Variants in INPP5J observed in about 807,000 individuals in gnomAD.
INPP5J encodes the protein phosphatidylinositol 4,5-bisphosphate 5-phosphatase A.
In INPP5J, 75 loss-of-function variants were observed where a neutral mutation model predicts 86.6. That is an observed-to-expected ratio of 0.87 (90% CI 0.72 to 1.05). INPP5J has a LOEUF of 1.05. Among genes scored for constraint, INPP5J ranks in the 50% least tolerant of loss-of-function variants. The pLI, the probability that INPP5J is intolerant of heterozygous loss-of-function variation, is 0.00. For missense variants in INPP5J, 1,229 were observed against 1,341.2 expected (o/e 0.92, Z 1.31); for synonymous variants, 540 against 550.0 (o/e 0.98, Z 0.25).
intron 2 of INPP5J, 121 bp downstream of exon 2, chr22:31,126,131 G>T: frequency 9.4e-7 from 1 of 1,058,972 alleles, no homozygotes; most frequent in Non-Finnish European, 1.3e-6. Context: ...TTTGGGGAGG[G>T]GGTTGCTGGG....
intron 6 of INPP5J, 161 bp downstream of exon 6, chr22:31,127,693 G>A: frequency 1.2e-6 from 1 of 809,324 alleles, no homozygotes; most frequent in Non-Finnish European, 1.9e-6. Context: ...GTTGGATGGG[G>A]AGGGGCGGAG....
chr22:31,128,784 G>A (rs1247060435), intron 9 of INPP5J, 130 bp downstream of exon 9: 10 of 817,144 alleles, frequency 1.2e-5, no homozygotes, highest in Non-Finnish European at 1.9e-5. Context: ...TGTAACAGTG[G>A]AAATGGGGTT....
Position 31,128,267 on chromosome 22 carries a change from C to G in INPP5J, c.1953C>G (p.Pro651=). Residue 651 remains proline (P), a synonymous_variant, in exon 8 of 13, where the codon CCC becomes CCG. Coordinates refer to ENST00000331075, the MANE Select transcript of INPP5J (RefSeq NM_001284285.2). The stretch of plus-strand genomic sequence containing the variant: ...TTCTGAAGGGCTTTCAGGAGGGGCC[C>G]CTCAACTTCGCTCCCACCTTCAAGT... ...WPILKGFQEG[P]LNFAPTFKFD... 6.2e-7 allele frequency: 1 copy of G among 1,601,720 alleles called. No homozygotes were observed. The highest frequency in any genetic ancestry group is 8.5e-7 in the Non-Finnish European group (1 of 1,174,104).
rs748199324 is a variant in INPP5J, at chr22:31,123,007, C to CT, written c.-7dup. The stretch of plus-strand genomic sequence containing the variant: ...CCAAGGGAGTCCAGGCTGCCGGGGG[C>CT]TGCAGACATGGAGGGCCAGAGCAGC... On this transcript the variant is annotated 5_prime_UTR_variant, in exon 1 of 13. Coordinates refer to ENST00000331075, the MANE Select transcript of INPP5J (RefSeq NM_001284285.2). The CT allele has an allele frequency of 4.4e-5, 63 of 1,437,768 alleles. No homozygotes were observed. The African/African-American group carries it at 6.0e-4, about 14-fold the overall frequency. The allele number at this position is 1,437,768 out of a possible 1,614,324, so 89.1% of individuals were successfully genotyped here. A position where few individuals can be genotyped will look rare whatever the true frequency, so the allele number is the denominator to read the frequency against.
Position 31,134,319 on chromosome 22 carries a change from G to A in INPP5J, c.2921G>A (p.Gly974Asp). 1 of 1,553,140 alleles carries A rather than the reference G, an allele frequency of 6.4e-7. No individual in the cohort carries two copies. Among genetic ancestry groups the A allele is most frequent in the Non-Finnish European group, 8.7e-7 (1 of 1,149,732 alleles). Residue 974 changes from glycine to aspartate, a missense_variant, in exon 13 of 13, where the codon GGT (glycine) becomes GAT (aspartate). By Grantham distance (94) the Gly-to-Asp change is moderately conservative (BLOSUM62 -1). Transcript: ENST00000331075. ...CTAGAGACTGTAGACCCTGGTGGTG[G>A]TGGCTCCTGGGGACCTGATCGGGAG... ...LRLETVDPGG[G>D]GSWGPDREAL... is the part of the protein sequence containing the mutation.
chr22:31,122,977 C>G lies in INPP5J; in HGVS notation c.-38C>G. ...TTCCCGGGAGCGGTAGAGCTGGAGCCGGAGCCAAGGGAGTCCAGGCTGCCG... is the reference window on the plus strand; with the variant it reads ...TTCCCGGGAGCGGTAGAGCTGGAGCGGGAGCCAAGGGAGTCCAGGCTGCCG... On this transcript the variant is annotated 5_prime_UTR_variant, in exon 1 of 13. Transcript: ENST00000331075. 5.3e-6 allele frequency: 7 copies of G among 1,324,986 alleles called. No individual in the cohort carries two copies. Among genetic ancestry groups the G allele is most frequent in the South Asian group, 1.7e-5 (1 of 59,144 alleles). The allele number at this position is 1,324,986 out of a possible 1,614,324, so 82.1% of individuals were successfully genotyped here.
At chr22:31,124,628 GT>G (rs1168465990) in intron 1 of INPP5J, among the ~76,000 whole-genome samples, 5 of 152,188 alleles carry the variant, frequency 3.3e-5, no homozygotes. Context: ...TGTGAAAGAG[GT>G]TTCAGACTTA....
chr22:31,126,189 C>A, intron 2 of INPP5J, 179 bp downstream of exon 2: 1 of 797,812 alleles, frequency 1.3e-6, no homozygotes, highest in Non-Finnish European at 1.9e-6. Context: ...AAGGAACTTG[C>A]CGCCTCTCAG....
At position 31,125,495 on chromosome 22, in the gene INPP5J, T is replaced by A. The variant is rs1346493836; in HGVS notation, c.756T>A (p.His252Gln). ...APRPLPASEG[H>Q]LQPPAQTSGP... Reference sequence around the variant, plus strand: ...GACCTCTCCCTGCTTCTGAGGGGCATCTCCAGCCTCCAGCTCAGACATCTG... The same window carrying A: ...GACCTCTCCCTGCTTCTGAGGGGCAACTCCAGCCTCCAGCTCAGACATCTG... Residue 252 changes from histidine (H) to glutamine (Q), a missense_variant, in exon 2 of 13, where the codon CAT (histidine) becomes CAA (glutamine). Coordinates refer to ENST00000331075, the MANE Select transcript of INPP5J (RefSeq NM_001284285.2). 9 of 1,549,832 alleles carry A rather than the reference T, an allele frequency of 5.8e-6. No homozygotes were observed. In the East Asian group the frequency reaches 2.2e-4, roughly 38 times the overall value.
At chr22:31,129,632 C>G (rs1036155029) in intron 9 of INPP5J, among the ~76,000 whole-genome samples, 2 of 150,558 alleles carry the variant, frequency 1.3e-5, no homozygotes, top group Non-Finnish European at 3.0e-5. Flanking sequence ...CAACCTCTAC[C>G]TCCTGGGTTC....
At position 31,134,373 on chromosome 22, in the gene INPP5J, G is replaced by T. The variant is rs977702635; in HGVS notation, c.2975G>T (p.Ser992Ile). 1 of 1,516,664 alleles carries T rather than the reference G, an allele frequency of 6.6e-7. No homozygotes were observed. The highest frequency in any genetic ancestry group is 8.8e-7 in the Non-Finnish European group (1 of 1,131,308). 94.0% of individuals were successfully genotyped at this position (1,516,664 alleles called of 1,614,324 possible). A position where few individuals can be genotyped will look rare whatever the true frequency, so the allele number is the denominator to read the frequency against. Residue 992 changes from serine to isoleucine, a missense_variant, in exon 13 of 13, where the codon AGT (serine) becomes ATT (isoleucine). Ser to Ile is a moderately radical substitution (Grantham distance 142). Coordinates refer to ENST00000331075, the MANE Select transcript of INPP5J (RefSeq NM_001284285.2). ...CTGGCGCCCAACAGCCTGTCTCCTAGTCCCCAGGGCCATCGGGGGCTGGAG... is the reference window on the plus strand; with the variant it reads ...CTGGCGCCCAACAGCCTGTCTCCTATTCCCCAGGGCCATCGGGGGCTGGAG... ...EALAPNSLSP[S>I]PQGHRGLEEG...
intron 6 of INPP5J, chr22:31,127,738 T>G: frequency 1.5e-6 from 1 of 660,112 alleles, no homozygotes; most frequent in Non-Finnish European, 2.6e-6. Flanking sequence ...GGGCCCCGCC[T>G]TGCTGAAGGT....
chr22:31,134,022 G>GC lies in INPP5J; in HGVS notation c.2628dup (p.Ser877GlnfsTer29). On this transcript the variant is annotated frameshift_variant, in exon 13 of 13. Transcript: ENST00000331075. LOFTEE classifies it high-confidence loss of function. ...GAGCTCCTTGCACCCAAGTCCCGCA[G>GC]CCCCAGTCCTGGCAAGTCCAAGCGA... 1 of 1,608,396 alleles carries GC rather than the reference G, an allele frequency of 6.2e-7. No homozygotes were observed. Among genetic ancestry groups the GC allele is most frequent in the Non-Finnish European group, 8.5e-7 (1 of 1,178,102 alleles).
rs1324287921 is a variant in INPP5J at position 31,128,624 on chromosome 22, C to T, written c.2163C>T (p.His721=). 6.2e-7 allele frequency: 1 copy of T among 1,601,018 alleles called. No homozygotes were observed. Among genetic ancestry groups the T allele is most frequent in the Non-Finnish European group, 8.5e-7 (1 of 1,173,580 alleles). Residue 721 remains histidine (H), a synonymous_variant, in exon 9 of 13, where the codon CAC becomes CAT. Transcript: ENST00000331075. ...ACATGGAATACACAGTCAGCGACCA[C>T]AAGCCTGTGGCTGCCCAGTTCCTCC... ...RSHMEYTVSD[H]KPVAAQFLLQ...
Position 31,125,961 on chromosome 22 carries a change from T to A in INPP5J, c.1222T>A (p.Ser408Thr), listed in dbSNP as rs750230362. The A allele has an allele frequency of 1.2e-6, 2 of 1,606,776 alleles. No individual in the cohort carries two copies. Among genetic ancestry groups the A allele is most frequent in the Non-Finnish European group, 1.7e-6 (2 of 1,174,858 alleles). The change falls in exon 2 of 13, where the codon TCC becomes ACC. Residue 408 changes from serine (S) to threonine (T), a missense_variant. By Grantham distance (58) the Ser-to-Thr change is moderately conservative. Transcript: ENST00000331075. ...TTSSSTSTLS[S>T]SPWSAQPTWK... ...CTCCTCTTCTACATCCACCCTGTCA[T>A]CCTCCCCTTGGTCAGCTCAGCCTAC...
chr22:31,127,652 A>G (rs1246953308), intron 6 of INPP5J, 120 bp downstream of exon 6: 1 of 1,016,178 alleles, frequency 9.8e-7, no homozygotes, highest in Non-Finnish European at 1.4e-6. Context: ...GCCCACCCAA[A>G]CTAGTTGTAG....
chr22:31,126,334 G>T, intron 2 of INPP5J, 42 bp from the exon 3 acceptor site: 1 of 1,462,014 alleles, frequency 6.8e-7, no homozygotes, highest in African/African-American at 1.4e-5. Flanking sequence ...GAGGGTGAGG[G>T]AGTGGTGCCA....
chr22:31,130,583 G>GATAT, intron 9 of INPP5J, among the ~76,000 whole-genome samples: 1 of 151,260 alleles, frequency 6.6e-6, no homozygotes, highest in East Asian at 1.9e-4. Context: ...ACAAAGAAAA[G>GATAT]ATATAAAAAT....
Position 31,125,711 on chromosome 22 carries a change from C to T in INPP5J, c.972C>T (p.Ser324=), listed in dbSNP as rs1454570633. Residue 324 remains serine, a synonymous_variant, in exon 2 of 13, where the codon TCC becomes TCT. Transcript: ENST00000331075. ...GCACTCACTCCCCTGGACTTCTGTC[C>T]CCCACCTTCCGGCCTGGGGCCCCCT... is the stretch of plus-strand genomic sequence containing the variant. ...EPGTHSPGLL[S]PTFRPGAPSG... 2 of 1,551,078 alleles carry T rather than the reference C, an allele frequency of 1.3e-6. No individual in the cohort carries two copies. Among genetic ancestry groups the T allele is most frequent in the Non-Finnish European group, 1.7e-6 (2 of 1,146,808 alleles).
Sources: allele counts gnomAD v4.1 joint callset (sites outside exome capture counted in the v4.1 genomes callset), GRCh38; gene constraint gnomAD v4.1.1; transcripts MANE v1.5; gene names NCBI Gene and HGNC (gene_info 2026-07-23, HGNC 2026-07-21).